The following HOOK1 variants were observed in gnomAD, a reference collection of about 807,000 sequenced individuals.
HOOK1 encodes protein Hook homolog 1.
In HOOK1, 60 loss-of-function variants were observed where a neutral mutation model predicts 112.8. That is an observed-to-expected ratio of 0.53 (90% CI 0.43 to 0.66). The LOEUF (loss-of-function observed/expected upper bound fraction) is 0.66. Among genes scored for constraint, HOOK1 ranks in the 30% least tolerant of loss-of-function variants. HOOK1 has a pLI of 0.00. For synonymous variants in HOOK1, 294 were observed against 283.8 expected, an observed-to-expected ratio of 1.04 and a Z score of -0.36; for missense variants, 770 against 856.0, an observed-to-expected ratio of 0.90 and a Z score of 1.25.
At position 59,843,138 on chromosome 1, in the gene HOOK1, T is replaced by A. The variant is rs1032927039; in HGVS notation, c.622-294T>A. 2.0e-5 allele frequency among the ~76,000 whole-genome samples: 3 copies of A among 151,874 alleles called. No homozygotes were observed. The South Asian group carries it at 6.2e-4, about 32-fold the overall frequency. On this transcript the variant is annotated intron_variant, in intron 8 of 21. Coordinates refer to ENST00000371208, the MANE Select transcript of HOOK1 (RefSeq NM_015888.6). ...TTTGAAGTTTCATTTGTGCATCAAA[T>A]TTTAGAGACTTGAAAACATTTTCTT...
intron 12 of HOOK1, among the ~76,000 whole-genome samples, chr1:59,856,071 C>T (rs2098410603): frequency 7.3e-6 from 1 of 136,226 alleles, no homozygotes; most frequent in South Asian, 2.3e-4. Context: ...CTGCCCACCT[C>T]AGCCTCCCAT....
rs371984766 is a variant in HOOK1, at chr1:59,849,152, A to G, written c.1211A>G (p.Glu404Gly). ...TLAFEMKRLE[E>G]KHEALLKEKE... is the part of the protein sequence containing the mutation. ...GCGTTTGAAATGAAGCGGCTTGAAGAAAAACATGAAGCTTTACTTAAGGAA... is the reference window on the plus strand; with the variant it reads ...GCGTTTGAAATGAAGCGGCTTGAAGGAAAACATGAAGCTTTACTTAAGGAA... The change falls in exon 12 of 22, where the codon GAA becomes GGA. Residue 404 changes from glutamate to glycine, a missense_variant. Glu to Gly is a moderately conservative substitution (Grantham distance 98). Coordinates refer to ENST00000371208, the MANE Select transcript of HOOK1 (RefSeq NM_015888.6). The G allele has an allele frequency of 9.9e-6, 16 of 1,608,914 alleles. No individual in the cohort carries two copies. The East Asian group carries it at 1.3e-4, about 13-fold the overall frequency.
chr1:59,867,317 C>G (rs1009531171), intron 19 of HOOK1, among the ~76,000 whole-genome samples: 1 of 152,132 alleles, frequency 6.6e-6, no homozygotes, highest in Non-Finnish European at 1.5e-5. Context: ...GGTGTGCATT[C>G]CATGAGGGTA....
At chr1:59,848,218 T>C (rs2098405218) in intron 10 of HOOK1, 97 bp from the exon 11 acceptor site, 1 of 875,636 alleles carries the variant, frequency 1.1e-6, no homozygotes, top group South Asian at 2.0e-5. Flanking sequence ...TCTTTTTTCT[T>C]TTTTGTGATA....
chr1:59,844,587 A>AT (rs1310563643), intron 9 of HOOK1, among the ~76,000 whole-genome samples: 2 of 151,880 alleles, frequency 1.3e-5, no homozygotes, highest in African/African-American at 2.4e-5. Context: ...AGTCTTTAGC[A>AT]TTTTCCCATA....
chr1:59,871,461 T>A (rs1644054224), intron 21 of HOOK1, among the ~76,000 whole-genome samples: 1 of 152,208 alleles, frequency 6.6e-6, no homozygotes. Flanking sequence ...AATATGAAGA[T>A]CTGTGTAATG....
chr1:59,852,205 T>C (rs1288207320), intron 12 of HOOK1, among the ~76,000 whole-genome samples: 1 of 151,760 alleles, frequency 6.6e-6, no homozygotes, highest in African/African-American at 2.4e-5. Context: ...TTTTACGTTT[T>C]GGGAAAGTTC....
chr1:59,816,556 G>T (rs1007152564), intron 1 of HOOK1, among the ~76,000 whole-genome samples: 3 of 152,318 alleles, frequency 2.0e-5, no homozygotes, highest in East Asian at 1.9e-4. Flanking sequence ...ATTTACATGT[G>T]AGGTGGTGGA....
intron 1 of HOOK1, among the ~76,000 whole-genome samples, chr1:59,816,898 T>C (rs1189202285): frequency 6.6e-6 from 1 of 152,192 alleles, no homozygotes; most frequent in Non-Finnish European, 1.5e-5. Context: ...ACGCACCTTT[T>C]CTCCTAACAT....
In HOOK1 at chr1:59,860,702, G is replaced by A. The variant is rs892785867; in HGVS notation, c.1532+374G>A. 7.3e-5 allele frequency among the ~76,000 whole-genome samples: 11 copies of A among 151,598 alleles called. No homozygotes were observed. The Middle Eastern group carries it at 0.01, about 141-fold the overall frequency. ...CCAGTTCAAGTGATTCTCATGCCTC[G>A]GCCTCCTGAATAGCTGCAATTAGAG... On this transcript the variant is annotated intron_variant, in intron 15 of 21. Transcript: ENST00000371208.
chr1:59,868,436 C>A, intron 20 of HOOK1, 85 bp downstream of exon 20: 1 of 822,546 alleles, frequency 1.2e-6, no homozygotes, highest in Non-Finnish European at 2.0e-6. Context: ...CATTAATGAT[C>A]AAGTTTTACA....
chr1:59,840,281 TA>T, intron 7 of HOOK1, 26 bp from the exon 8 acceptor site: 1 of 1,494,378 alleles, frequency 6.7e-7, no homozygotes, highest in Non-Finnish European at 9.0e-7. Flanking sequence ...CACGATTTAC[TA>T]AGATTTAGGA....
chr1:59,845,154 C>A (rs1381940948), intron 9 of HOOK1, among the ~76,000 whole-genome samples: 3 of 151,874 alleles, frequency 2.0e-5, no homozygotes, highest in Non-Finnish European at 4.4e-5. Context: ...CTCTCTGCCT[C>A]CAAGATGGCT....
At chr1:59,851,271 G>C (rs866289249) in intron 12 of HOOK1, among the ~76,000 whole-genome samples, 4 of 151,478 alleles carry the variant, frequency 2.6e-5, no homozygotes, top group South Asian at 2.1e-4. Flanking sequence ...TAGAAATGTT[G>C]CCACTTAACA....
At chr1:59,844,216 C>T (rs2098402464) in intron 9 of HOOK1, among the ~76,000 whole-genome samples, 1 of 151,976 alleles carries the variant, frequency 6.6e-6, no homozygotes, top group Non-Finnish European at 1.5e-5. Context: ...AATTATTTTA[C>T]AGTTTTCTCC....
In HOOK1 at chr1:59,849,065, G is replaced by C. The variant is rs754027249; in HGVS notation, c.1132-8G>C. On this transcript the variant is annotated splice_region_variant and splice_polypyrimidine_tract_variant and intron_variant, in intron 11 of 21. Coordinates refer to ENST00000371208, the MANE Select transcript of HOOK1 (RefSeq NM_015888.6). Reference sequence around the variant, plus strand: ...AAGGACCTTTTTTCCTTTTGTTTCTGACATTAGGTTCAAGATCTTCATGTT... The same window carrying C: ...AAGGACCTTTTTTCCTTTTGTTTCTCACATTAGGTTCAAGATCTTCATGTT... The C allele has an allele frequency of 6.3e-7, 1 of 1,576,866 alleles. No individual in the cohort carries two copies. The highest frequency in any genetic ancestry group is 1.1e-5 in the South Asian group (1 of 87,202).
chr1:59,859,628 T>C (rs1199085270), intron 14 of HOOK1, among the ~76,000 whole-genome samples: 1 of 151,936 alleles, frequency 6.6e-6, no homozygotes, highest in East Asian at 1.9e-4. Context: ...CCCTATTTAA[T>C]ACAAATAATA....
At chr1:59,845,827 C>G (rs975981447) in intron 9 of HOOK1, among the ~76,000 whole-genome samples, 2 of 151,768 alleles carry the variant, frequency 1.3e-5, no homozygotes, top group African/African-American at 4.8e-5. Flanking sequence ...TAAATTTTGT[C>G]TCTTGTAATG....
At chr1:59,870,434 T>C (rs1452499389) in intron 20 of HOOK1, among the ~76,000 whole-genome samples, 2 of 152,208 alleles carry the variant, frequency 1.3e-5, no homozygotes, top group African/African-American at 2.4e-5. Context: ...CACCTCTCTT[T>C]TGGGCTTGGT....
Sources: allele counts gnomAD v4.1 joint callset (sites outside exome capture counted in the v4.1 genomes callset), GRCh38; gene constraint gnomAD v4.1.1; transcripts MANE v1.5; gene names NCBI Gene and HGNC (gene_info 2026-07-23, HGNC 2026-07-21).